The following DNAAF5 variants were observed in gnomAD, a reference collection of about 807,000 sequenced individuals.
The protein encoded by DNAAF5 is HEAT repeat containing 2.
Under a neutral mutation model 75.8 loss-of-function variants are expected in DNAAF5, and 64 were observed. The observed-to-expected ratio is 0.84, with a 90% CI of 0.69 to 1.04. The LOEUF (loss-of-function observed/expected upper bound fraction) is 1.04, where lower values mean the gene tolerates loss of function less well. Among genes scored for constraint, DNAAF5 ranks in the 50% least tolerant of loss-of-function variants. The pLI, the probability that DNAAF5 is intolerant of heterozygous loss-of-function variation, is 0.00. For missense variants in DNAAF5, 1,269 were observed against 1,178.5 expected (o/e 1.08, Z -1.12); for synonymous variants, 657 against 557.2 (o/e 1.18, Z -2.52).
chr7:760,812 C>T (rs1191178527), intron 6 of DNAAF5, among the ~76,000 whole-genome samples: 4 of 152,198 alleles, frequency 2.6e-5, no homozygotes, highest in Admixed American at 6.5e-5. Flanking sequence ...CCAGCGCAGC[C>T]GTAGGTGCAG....
intron 2 of DNAAF5, among the ~76,000 whole-genome samples, chr7:730,076 A>G (rs1206521525): frequency 2.0e-5 from 3 of 152,164 alleles, no homozygotes; most frequent in African/African-American, 4.8e-5. Flanking sequence ...AGAAAGGATG[A>G]CTTGTGTAGT....
At chr7:758,980 G>A (rs970178524) in intron 6 of DNAAF5, among the ~76,000 whole-genome samples, 4 of 152,122 alleles carry the variant, frequency 2.6e-5, no homozygotes, top group African/African-American at 7.2e-5. Context: ...ACCGCACCTG[G>A]CCCCATTTTA....
chr7:735,952 C>A (rs894661697), intron 2 of DNAAF5, among the ~76,000 whole-genome samples: 1 of 152,078 alleles, frequency 6.6e-6, no homozygotes, highest in Non-Finnish European at 1.5e-5. Flanking sequence ...GCTGTTTTTG[C>A]ATATTGTGTT....
At chr7:775,282 G>GAACCACCACACCCA in intron 11 of DNAAF5, 120 bp downstream of exon 11, 1 of 905,856 alleles carries the variant, frequency 1.1e-6, no homozygotes, top group Non-Finnish European at 1.7e-6. Context: ...GGCTGGGTGT[G>GAACCACCACACCCA]GTGGTTCACA....
chr7:784,449 C>T (rs1779085501), intron 12 of DNAAF5, among the ~76,000 whole-genome samples: 1 of 152,148 alleles, frequency 6.6e-6, no homozygotes, highest in African/African-American at 2.4e-5. Context: ...TCCTCCTGGA[C>T]CCCCTCTTAA....
chr7:735,626 G>C (rs1344185919), intron 2 of DNAAF5, among the ~76,000 whole-genome samples: 1 of 152,188 alleles, frequency 6.6e-6, no homozygotes, highest in Non-Finnish European at 1.5e-5. Context: ...AATTTCTGTA[G>C]TATCAGTTGT....
At chr7:750,728 G>A (rs1782265813) in intron 4 of DNAAF5, 1 of 156,598 alleles carries the variant, frequency 6.4e-6, no homozygotes, top group South Asian at 2.1e-4. Context: ...TCCAGGCCTT[G>A]CGTACCCCTG....
chr7:769,263 C>T (rs1167285752), intron 8 of DNAAF5: 4 of 721,810 alleles, frequency 5.5e-6, no homozygotes, highest in Non-Finnish European at 7.7e-6. Flanking sequence ...GGCCCGGGGC[C>T]AGAGCGCCTC....
Position 774,155 on chromosome 7 carries a change from G to T in DNAAF5, c.2039G>T (p.Cys680Phe). ...AAAIRTAAVS[C>F]LWALTSSEVL... The stretch of plus-strand genomic sequence containing the variant: ...GCCATCCGCACGGCTGCCGTGTCCT[G>T]CCTCTGGGCGCTCACCAGCAGCGAG... Residue 680 changes from cysteine to phenylalanine, a missense_variant, in exon 10 of 13, where the codon TGC (cysteine) becomes TTC (phenylalanine). By Grantham distance (205) the Cys-to-Phe change is radical. Coordinates refer to ENST00000297440, the MANE Select transcript of DNAAF5 (RefSeq NM_017802.4). 1.2e-6 allele frequency: 2 copies of T among 1,612,280 alleles called. No individual in the cohort carries two copies. The highest frequency in any genetic ancestry group is 8.5e-7 in the Non-Finnish European group (1 of 1,179,910).
In DNAAF5 at chr7:726,838, GC is replaced by G; in HGVS notation, c.120del (p.Asp41ThrfsTer45). 7.5e-7 allele frequency: 1 copy of G among 1,327,688 alleles called. No individual in the cohort carries two copies. Among genetic ancestry groups the G allele is most frequent in the South Asian group, 2.0e-5 (1 of 50,154 alleles). The allele number at this position is 1,327,688 out of a possible 1,614,324, so 82.2% of individuals were successfully genotyped here. On this transcript the variant is annotated frameshift_variant, in exon 1 of 13. Coordinates refer to ENST00000297440, the MANE Select transcript of DNAAF5 (RefSeq NM_017802.4). LOFTEE classifies it high-confidence loss of function. Reference sequence around the variant, plus strand: ...GAGCCGCCTGCTGCCGGGGCTGGAGGCCGACAGCAAGCCGGGCCGGCGGCGC... The same window carrying G: ...GAGCCGCCTGCTGCCGGGGCTGGAGGCGACAGCAAGCCGGGCCGGCGGCGC... ...ALSRLLPGLE[A>X]DSKPGRRRAL...
intron 6 of DNAAF5, among the ~76,000 whole-genome samples, chr7:760,085 AGCTCTGAGGGAGAC>A (rs2128079823): frequency 8.7e-5 from 1 of 11,506 alleles, no homozygotes; most frequent in African/African-American, 2.5e-4. Flanking sequence ...CGGCTCCTCC[AGCTCTGAGGGAGAC>A]GGGGCCGCGC....
At chr7:740,093 A>C (rs6979659) in intron 2 of DNAAF5, among the ~76,000 whole-genome samples, 125,010 of 152,114 alleles carry the variant, frequency 0.82, 51,554 homozygotes, top group Middle Eastern at 0.88. Flanking sequence ...TCCCAGGATC[A>C]GTCTGCGGCT....
At position 727,096 on chromosome 7, in the gene DNAAF5, G is replaced by T. The variant is rs967262219; in HGVS notation, c.376G>T (p.Ala126Ser). Reference protein sequence around the residue: ...RLLPALAARLAGPVPARRPPE... With the variant: ...RLLPALAARLSGPVPARRPPE... ...GCTGCCCGCGCTCGCCGCGCGCTTG[G>T]CCGGCCCCGTGCCCGCGCGCCGCCC... Residue 126 changes from alanine (A) to serine (S), a missense_variant, in exon 1 of 13, where the codon GCC becomes TCC. Transcript: ENST00000297440. The T allele has an allele frequency of 1.9e-6, 2 of 1,067,370 alleles. No homozygotes were observed. Among genetic ancestry groups the T allele is most frequent in the East Asian group, 7.0e-5 (1 of 14,274 alleles). 66.1% of individuals were successfully genotyped at this position (1,067,370 alleles called of 1,614,324 possible).
At chr7:740,356 C>T (rs532122124) in intron 2 of DNAAF5, among the ~76,000 whole-genome samples, 11 of 152,370 alleles carry the variant, frequency 7.2e-5, no homozygotes, top group African/African-American at 2.6e-4. Context: ...GCTCTGGGAC[C>T]AGACGCCTTT....
chr7:729,078 C>A (rs1482388935), intron 1 of DNAAF5, among the ~76,000 whole-genome samples: 1 of 149,408 alleles, frequency 6.7e-6, no homozygotes, highest in Non-Finnish European at 1.5e-5. Flanking sequence ...CTCACTGCAA[C>A]CTCCGCCTCC....
intron 2 of DNAAF5, among the ~76,000 whole-genome samples, chr7:738,940 C>G (rs952963917): frequency 6.6e-6 from 1 of 152,240 alleles, no homozygotes; most frequent in East Asian, 1.9e-4. Context: ...GAGGCCAAAC[C>G]CAGCGAGTTC....
rs1384976803 is a variant in DNAAF5, at chr7:754,274, A to G, written c.1025-315A>G. Among the ~76,000 whole-genome samples, 2 of 152,182 alleles carry G rather than the reference A, an allele frequency of 1.3e-5. No homozygotes were observed. Among genetic ancestry groups the G allele is most frequent in the African/African-American group, 2.4e-5 (1 of 41,454 alleles). On this transcript the variant is annotated intron_variant, in intron 4 of 12. Coordinates refer to ENST00000297440, the MANE Select transcript of DNAAF5 (RefSeq NM_017802.4). This position sits in a 1 kb window ranked among gnomAD's most constrained non-coding sequence, Gnocchi z 4.8. ...TGCGTAGCTGGGACCACAGGCATGC[A>G]CCACGGCACCTGGCTAATCTTCCTG...
intron 1 of DNAAF5, among the ~76,000 whole-genome samples, chr7:728,187 C>G (rs1781428378): frequency 6.6e-6 from 1 of 152,134 alleles, no homozygotes; most frequent in South Asian, 2.1e-4. Context: ...AGGGTCTTGC[C>G]CTTTCCCTCC....
At chr7:757,456 G>C (rs1782523517) in intron 6 of DNAAF5, among the ~76,000 whole-genome samples, 2 of 152,282 alleles carry the variant, frequency 1.3e-5, no homozygotes, top group South Asian at 4.1e-4. Context: ...CCAGTCCCCA[G>C]GGTACCTGCA....
Sources: gnomAD v4.1 joint callset for allele counts (sites outside exome capture counted in the v4.1 genomes callset) on GRCh38, gnomAD v4.1.1 for gene constraint, Gnocchi (gnomAD v3.1) non-coding constraint, MANE v1.5 for transcripts, NCBI Gene and HGNC (gene_info 2026-07-23, HGNC 2026-07-21) for gene names.